The following GAS2 variants were observed in gnomAD, a reference collection of about 807,000 sequenced individuals.
GAS2 encodes growth arrest-specific protein 2.
Under a neutral mutation model 37.5 loss-of-function variants are expected in GAS2, and 20 were observed. That is an observed-to-expected ratio of 0.53 (90% CI 0.37 to 0.77). GAS2 has a LOEUF of 0.77. GAS2 is among the 30% of genes least tolerant of loss of function. The probability of loss-of-function intolerance (pLI) is 0.00; values close to 1 mark genes in which losing one functional copy is unlikely to be tolerated. For missense variants in GAS2, 336 were observed against 373.4 expected (o/e 0.90, Z 0.82); for synonymous variants, 144 against 132.2 (o/e 1.09, Z -0.61).
chr11:22,700,566 A>G (rs1275740385), intron 3 of GAS2, among the ~76,000 whole-genome samples: 1 of 152,212 alleles, frequency 6.6e-6, no homozygotes, highest in East Asian at 1.9e-4. Context: ...ACTAGTTAAG[A>G]AAAAGTGGAT....
chr11:22,789,326 A>G (rs1238169633), intron 7 of GAS2, among the ~76,000 whole-genome samples: 2 of 129,408 alleles, frequency 1.5e-5, no homozygotes, highest in African/African-American at 3.1e-5. Flanking sequence ...ACACACACAC[A>G]CACACAAACA....
intron 4 of GAS2, among the ~76,000 whole-genome samples, chr11:22,730,454 AAAGGTTTT>A (rs1852416977): frequency 6.6e-6 from 1 of 151,820 alleles, no homozygotes; most frequent in African/African-American, 2.4e-5. Flanking sequence ...GTATCATAAC[AAAGGTTTT>A]TGTGTGGTCT....
intron 1 of GAS2, among the ~76,000 whole-genome samples, chr11:22,650,410 G>A (rs1397332157): frequency 6.6e-6 from 1 of 152,108 alleles, no homozygotes; most frequent in South Asian, 2.1e-4. Flanking sequence ...TTGGGGTGGA[G>A]AGTTCTGTAG....
chr11:22,787,499 C>T (rs1855872944), intron 7 of GAS2, among the ~76,000 whole-genome samples: 1 of 139,616 alleles, frequency 7.2e-6, no homozygotes, highest in African/African-American at 2.5e-5. Flanking sequence ...TGTATACATA[C>T]ACACATACAC....
intron 7 of GAS2, among the ~76,000 whole-genome samples, chr11:22,787,560 A>T (rs892471058): frequency 6.6e-6 from 1 of 152,048 alleles, no homozygotes; most frequent in Non-Finnish European, 1.5e-5. Flanking sequence ...TGGAGTGACA[A>T]GTAGATTTAT....
intron 5 of GAS2, among the ~76,000 whole-genome samples, chr11:22,745,990 A>G (rs1157537325): frequency 6.6e-6 from 1 of 152,016 alleles, no homozygotes; most frequent in Non-Finnish European, 1.5e-5. Context: ...TCTATAAAAA[A>G]TTACAAAAAC....
intron 1 of GAS2, among the ~76,000 whole-genome samples, chr11:22,641,795 A>G (rs568898635): frequency 2.0e-5 from 3 of 152,232 alleles, no homozygotes; most frequent in East Asian, 3.9e-4. Flanking sequence ...TAATATTATC[A>G]ATCAGTGTGT....
chr11:22,700,849 G>A (rs1850803458), intron 3 of GAS2, among the ~76,000 whole-genome samples: 1 of 152,098 alleles, frequency 6.6e-6, no homozygotes, highest in Admixed American at 6.6e-5. Flanking sequence ...AGGGCTTTTA[G>A]GTAACAGGTT....
chr11:22,811,798 A>G lies in GAS2; in HGVS notation c.724A>G (p.Met242Val). 6.2e-7 allele frequency: 1 copy of G among 1,613,856 alleles called. No homozygotes were observed. Among genetic ancestry groups the G allele is most frequent in the Non-Finnish European group, 8.5e-7 (1 of 1,179,826 alleles). ...CACTTTTGATATTTTTTCATTTCAGATGCTGCACAACAAACATGTCATGGT... is the reference window on the plus strand; with the variant it reads ...CACTTTTGATATTTTTTCATTTCAGGTGCTGCACAACAAACATGTCATGGT... Reference protein sequence around the residue: ...RVGEKILFIRMLHNKHVMVRV... With the variant: ...RVGEKILFIRVLHNKHVMVRV... The change falls in exon 8 of 8, where the codon ATG becomes GTG. Residue 242 changes from methionine (M) to valine (V), a missense_variant and splice_region_variant. Coordinates refer to ENST00000454584, the MANE Select transcript of GAS2 (RefSeq NM_001143830.3).
At chr11:22,716,829 A>G (rs1851704649) in intron 3 of GAS2, among the ~76,000 whole-genome samples, 1 of 152,194 alleles carries the variant, frequency 6.6e-6, no homozygotes, top group African/African-American at 2.4e-5. Flanking sequence ...TACACAAATC[A>G]GTAGCACTGC....
chr11:22,627,461 T>C (rs7109087), intron 1 of GAS2, among the ~76,000 whole-genome samples: 36,690 of 152,036 alleles, frequency 0.24, 5,757 homozygotes, highest in African/African-American at 0.44. Context: ...TAGGAAGGTC[T>C]CTTTAATTAC....
intron 3 of GAS2, among the ~76,000 whole-genome samples, chr11:22,720,678 A>G (rs976840082): frequency 5.9e-5 from 9 of 152,030 alleles, no homozygotes; most frequent in African/African-American, 2.2e-4. Context: ...AAGAAAAAAT[A>G]TTAGTTCTTG....
chr11:22,660,345 A>G (rs1848902511), intron 1 of GAS2, among the ~76,000 whole-genome samples: 1 of 152,204 alleles, frequency 6.6e-6, no homozygotes, highest in Non-Finnish European at 1.5e-5. Context: ...TAATATCTTT[A>G]TCTTAGGGAA....
chr11:22,785,459 C>G (rs1489326069), intron 7 of GAS2, among the ~76,000 whole-genome samples: 1 of 152,116 alleles, frequency 6.6e-6, no homozygotes. Flanking sequence ...CCAGATGGTA[C>G]TGAATCACTG....
intron 3 of GAS2, among the ~76,000 whole-genome samples, chr11:22,696,874 T>G (rs1590656157): frequency 6.6e-6 from 1 of 150,466 alleles, no homozygotes; most frequent in African/African-American, 2.4e-5. Context: ...TTGCGAAAAT[T>G]TTCTCCCATT....
intron 3 of GAS2, among the ~76,000 whole-genome samples, chr11:22,715,540 C>T (rs1057396553): frequency 2.1e-5 from 3 of 142,554 alleles, no homozygotes; most frequent in East Asian, 4.1e-4. Context: ...CACAGAAATA[C>T]GAAAGACCAT....
intron 1 of GAS2, among the ~76,000 whole-genome samples, chr11:22,652,023 C>T (rs982640459): frequency 4.6e-5 from 7 of 152,168 alleles, no homozygotes; most frequent in East Asian, 1.9e-4. Context: ...AGTTTTTCTG[C>T]TCTGTTTTTT....
chr11:22,676,359 T>G (rs10734316), intron 2 of GAS2, among the ~76,000 whole-genome samples: 95,838 of 151,906 alleles, frequency 0.63, 31,500 homozygotes, highest in East Asian at 0.83. Flanking sequence ...ATTGTCATAT[T>G]AGTAATTAAT....
upstream of GAS2, among the ~76,000 whole-genome samples, chr11:22,662,702 C>T (rs529814794): frequency 5.8e-4 from 88 of 151,826 alleles, no homozygotes; most frequent in Non-Finnish European, 1.2e-3. Context: ...CGTCACACCA[C>T]AGAAGGTACT....
Sources: gnomAD v4.1 joint callset for allele counts (sites outside exome capture counted in the v4.1 genomes callset) on GRCh38, gnomAD v4.1.1 for gene constraint, MANE v1.5 for transcripts, NCBI Gene and HGNC (gene_info 2026-07-23, HGNC 2026-07-21) for gene names.